The following PCDHA1 variants were observed in gnomAD, a reference collection of about 807,000 sequenced individuals.
PCDHA1 encodes protocadherin alpha-1.
In PCDHA1, 42 loss-of-function variants were observed where a neutral mutation model predicts 61.3. The ratio of observed to expected loss-of-function variants is 0.69; its 90% CI spans 0.54 to 0.89. PCDHA1 has a LOEUF of 0.89. PCDHA1 is among the 40% of genes least tolerant of loss of function. PCDHA1 has a pLI of 0.00. For missense variants in PCDHA1, 1,256 were observed against 1,235.3 expected, an observed-to-expected ratio of 1.02 and a Z score of -0.25; for synonymous variants, 610 against 553.8, an observed-to-expected ratio of 1.10 and a Z score of -1.43.
intron 1 of PCDHA1, chr5:140,828,515 A>C: frequency 1.2e-6 from 2 of 1,614,156 alleles, no homozygotes; most frequent in Non-Finnish European, 1.7e-6. Flanking sequence ...AAGAGTGCTG[A>C]TTTACGAATC....
chr5:140,822,086 A>G, intron 1 of PCDHA1: 2 of 1,614,198 alleles, frequency 1.2e-6, no homozygotes, highest in Non-Finnish European at 1.7e-6. Context: ...TGCAGCATCC[A>G]CCTGGAGGTG....
At chr5:140,924,944 TAA>T (rs11334471) in intron 1 of PCDHA1, among the ~76,000 whole-genome samples, 87 of 142,948 alleles carry the variant, frequency 6.1e-4, no homozygotes, top group African/African-American at 2.0e-3. Flanking sequence ...AATAAAAAGT[TAA>T]AAAAAAAATG....
chr5:140,808,166 C>T (rs1554124439), intron 1 of PCDHA1: 2 of 1,614,162 alleles, frequency 1.2e-6, no homozygotes, highest in Non-Finnish European at 1.7e-6. Context: ...TGATAAGGGA[C>T]AGCTCCCACT....
intron 1 of PCDHA1, among the ~76,000 whole-genome samples, chr5:140,942,516 G>C (rs1172442572): frequency 2.0e-5 from 3 of 152,004 alleles, no homozygotes; most frequent in African/African-American, 7.3e-5. Flanking sequence ...AAACTCAGAG[G>C]GGAAGCAACT....
chr5:140,836,581 G>A (rs1774589898), intron 1 of PCDHA1: 2 of 1,613,662 alleles, frequency 1.2e-6, no homozygotes, highest in African/African-American at 2.7e-5. Flanking sequence ...GGCGCATGTA[G>A]TTTGGTAAAG....
intron 1 of PCDHA1, among the ~76,000 whole-genome samples, chr5:140,908,385 G>A (rs1318647483): frequency 6.6e-6 from 1 of 152,222 alleles, no homozygotes. Context: ...GCTCGAGCCC[G>A]ATCACATATA....
chr5:141,006,769 A>G (rs575481848), intron 3 of PCDHA1, among the ~76,000 whole-genome samples: 1 of 152,208 alleles, frequency 6.6e-6, no homozygotes, highest in Non-Finnish European at 1.5e-5. Flanking sequence ...AGAATAGAAT[A>G]GAGAAAAATG....
Position 140,856,394 on chromosome 5 carries a change from T to C in PCDHA1, c.2394+67710T>C, listed in dbSNP as rs782124565. On this transcript the variant is annotated intron_variant, in intron 1 of 3. Coordinates refer to ENST00000504120, the MANE Select transcript of PCDHA1 (RefSeq NM_018900.4). The stretch of plus-strand genomic sequence containing the variant: ...GATCGTGGACAGGCCGCTGCAGGTT[T>C]TCCATGTGGACGTGGAAGTGAAGGA... The C allele has an allele frequency of 2.5e-6, 4 of 1,598,384 alleles. No individual in the cohort carries two copies. The African/African-American group carries it at 5.4e-5, about 22-fold the overall frequency.
chr5:140,914,944 C>CT (rs35695909), intron 1 of PCDHA1, among the ~76,000 whole-genome samples: 3,966 of 128,238 alleles, frequency 0.031, 97 homozygotes, highest in Middle Eastern at 0.041. Context: ...GAAAAGTTGT[C>CT]TTTTTTTTTT....
At chr5:140,848,644 A>G in intron 1 of PCDHA1, 2 of 1,593,184 alleles carry the variant, frequency 1.3e-6, no homozygotes, top group South Asian at 2.2e-5. Context: ...CGCATCGCGC[A>G]GGACCTGGGG....
chr5:140,906,021 A>G (rs1422492231), intron 1 of PCDHA1, among the ~76,000 whole-genome samples: 1 of 152,182 alleles, frequency 6.6e-6, no homozygotes, highest in African/African-American at 2.4e-5. Context: ...TAATCTCTCC[A>G]CGTTCTTCTG....
intron 1 of PCDHA1, among the ~76,000 whole-genome samples, chr5:140,962,118 C>T (rs561645739): frequency 1.3e-5 from 2 of 152,210 alleles, no homozygotes; most frequent in East Asian, 1.9e-4. Context: ...ATCTCCTAAC[C>T]TTGGCCTCGG....
chr5:140,947,549 C>T (rs530708816), intron 1 of PCDHA1, among the ~76,000 whole-genome samples: 11 of 151,312 alleles, frequency 7.3e-5, no homozygotes, highest in Admixed American at 2.0e-4. Context: ...CAAAGAATTC[C>T]GCTGGGATTT....
chr5:140,993,786 C>G (rs2097581960), intron 3 of PCDHA1, among the ~76,000 whole-genome samples: 1 of 152,162 alleles, frequency 6.6e-6, no homozygotes, highest in Admixed American at 6.5e-5. Flanking sequence ...TGTACAGTAA[C>G]ATGCTGTGCA....
intron 1 of PCDHA1, chr5:140,966,716 G>T: frequency 1.4e-6 from 2 of 1,394,682 alleles, no homozygotes; most frequent in Non-Finnish European, 9.2e-7. Context: ...CACGGCTGGG[G>T]AAGCTGCCGC....
Position 140,787,679 on chromosome 5 carries a change from C to A in PCDHA1, c.1389C>A (p.Phe463Leu). The A allele has an allele frequency of 6.2e-7, 1 of 1,613,822 alleles. No homozygotes were observed. ...PAFAQPEYTVFVKENNPPGCH... is the reference protein window; with the variant it reads ...PAFAQPEYTVLVKENNPPGCH... The stretch of plus-strand genomic sequence containing the variant: ...TCGCGCAGCCCGAGTACACAGTATT[C>A]GTGAAGGAGAACAACCCGCCGGGCT... Residue 463 changes from phenylalanine (F) to leucine (L), a missense_variant, in exon 1 of 4, where the codon TTC (phenylalanine) becomes TTA (leucine). Physicochemically the swap from Phe to Leu is conservative, Grantham distance 22. Transcript: ENST00000504120.
intron 1 of PCDHA1, chr5:140,824,610 G>GTTTTTTTCTT (rs1768198907): frequency 1.1e-5 from 1 of 95,104 alleles, no homozygotes; most frequent in African/African-American, 4.9e-5. Context: ...GCTAATTAAA[G>GTTTTTTTCTT]TTTTTTTTTT....
At position 140,978,933 on chromosome 5, in the gene PCDHA1, C is replaced by CT. The variant is rs1179085898; in HGVS notation, c.2395-13dup. The stretch of plus-strand genomic sequence containing the variant: ...TCTTGTCATTTTAACAGAAAACTCT[C>CT]TTTGTGATTTTGCAGCCACGACAGC... On this transcript the variant is annotated splice_polypyrimidine_tract_variant and intron_variant, in intron 1 of 3. Coordinates refer to ENST00000504120, the MANE Select transcript of PCDHA1 (RefSeq NM_018900.4). 8 of 1,613,976 alleles carry CT rather than the reference C, an allele frequency of 5.0e-6. No homozygotes were observed. The highest frequency in any genetic ancestry group is 1.7e-5 in the Admixed American group (1 of 59,984).
chr5:140,840,088 T>G (rs1346401195), intron 1 of PCDHA1, among the ~76,000 whole-genome samples: 2 of 152,012 alleles, frequency 1.3e-5, no homozygotes, highest in African/African-American at 2.4e-5. Context: ...ATAAACTTGT[T>G]GAAGATTTTA....
Sources: gnomAD v4.1 joint callset for allele counts (sites outside exome capture counted in the v4.1 genomes callset) on GRCh38, gnomAD v4.1.1 for gene constraint, MANE v1.5 for transcripts, NCBI Gene and HGNC (gene_info 2026-07-23, HGNC 2026-07-21) for gene names.